The following PTPRD variants were observed in gnomAD, a reference collection of about 807,000 sequenced individuals.
The protein encoded by PTPRD is receptor-type tyrosine-protein phosphatase delta.
A neutral mutation model predicts 214.5 loss-of-function variants in PTPRD; 34 were observed. The ratio of observed to expected loss-of-function variants is 0.16; its 90% CI spans 0.12 to 0.21. The LOEUF (loss-of-function observed/expected upper bound fraction) is 0.21, where lower values mean the gene tolerates loss of function less well. PTPRD is among the 10% of genes least tolerant of loss of function. PTPRD has a pLI of 1.00. For missense variants in PTPRD, 2,545 were observed against 2,398.7 expected, an observed-to-expected ratio of 1.06 and a Z score of -1.27; for synonymous variants, 1,128 against 845.7, an observed-to-expected ratio of 1.33 and a Z score of -5.79.
At chr9:10,138,778 T>A (rs913834546) in intron 3 of PTPRD, among the ~76,000 whole-genome samples, 12 of 152,124 alleles carry the variant, frequency 7.9e-5, no homozygotes, top group African/African-American at 2.9e-4. Flanking sequence ...ATTTACCACA[T>A]AAGCCAAATT....
chr9:9,342,037 G>A (rs965155584), intron 9 of PTPRD, among the ~76,000 whole-genome samples: 1 of 152,078 alleles, frequency 6.6e-6, no homozygotes, highest in Non-Finnish European at 1.5e-5. Context: ...TCAAACTCCT[G>A]ACCTCAAGTG....
At position 8,616,512 on chromosome 9, in the gene PTPRD, G is replaced by C. The variant is rs143685732; in HGVS notation, c.352+16805C>G. Among the ~76,000 whole-genome samples, 1,396 of 152,174 alleles carry C rather than the reference G, an allele frequency of 9.2e-3. 15 individuals are homozygous for C. The highest frequency in any genetic ancestry group is 0.042 in the East Asian group (217 of 5,172). ...CAGGGATCCCTTACTTCAGACTCTA[G>C]GCAGACTGAATAAAGAATGATAACC... On this transcript the variant is annotated intron_variant, in intron 14 of 45. Transcript: ENST00000381196.
chr9:9,340,378 A>G (rs1280697404), intron 9 of PTPRD, among the ~76,000 whole-genome samples: 1 of 152,196 alleles, frequency 6.6e-6, no homozygotes, highest in African/African-American at 2.4e-5. Flanking sequence ...GGGTTATGTT[A>G]TTTTGTGACT....
At chr9:8,376,480 T>G (rs1394764397) in intron 38 of PTPRD, 127 bp downstream of exon 38, 2 of 1,362,286 alleles carry the variant, frequency 1.5e-6, no homozygotes, top group Non-Finnish European at 2.0e-6. Flanking sequence ...GGAAGATCTA[T>G]TTCATTCTTC....
intron 11 of PTPRD, among the ~76,000 whole-genome samples, chr9:8,803,717 G>A (rs1344226784): frequency 6.6e-6 from 1 of 150,768 alleles, no homozygotes; most frequent in Non-Finnish European, 1.5e-5. Context: ...CTGGGTGACA[G>A]AGTGATACCC....
chr9:8,909,086 A>T (rs1311467001), intron 11 of PTPRD, among the ~76,000 whole-genome samples: 2 of 151,980 alleles, frequency 1.3e-5, no homozygotes, highest in Non-Finnish European at 2.9e-5. Context: ...TGACTCAAAA[A>T]GAAAAACTTG....
intron 8 of PTPRD, among the ~76,000 whole-genome samples, chr9:9,507,684 G>A (rs139543102): frequency 9.2e-5 from 14 of 151,444 alleles, no homozygotes; most frequent in Non-Finnish European, 1.8e-4. Flanking sequence ...AGACAATTAG[G>A]TCATTTCTGC....
At chr9:9,146,298 A>G (rs939130110) in intron 10 of PTPRD, among the ~76,000 whole-genome samples, 2 of 151,946 alleles carry the variant, frequency 1.3e-5, no homozygotes, top group Non-Finnish European at 2.9e-5. Flanking sequence ...TCAATTACAT[A>G]TTTGGTTGTA....
chr9:8,394,388 G>A (rs1019611968), intron 36 of PTPRD, among the ~76,000 whole-genome samples: 2 of 152,082 alleles, frequency 1.3e-5, no homozygotes, highest in Non-Finnish European at 2.9e-5. Context: ...ATCCTAAGGG[G>A]AAGGATCATA....
At chr9:9,166,142 T>TC (rs1482324671) in intron 10 of PTPRD, among the ~76,000 whole-genome samples, 15 of 102,768 alleles carry the variant, frequency 1.5e-4, no homozygotes, top group African/African-American at 4.2e-4. Flanking sequence ...GGGTTTGATT[T>TC]TTTTTTTTTT....
At chr9:10,204,474 G>A (rs1343769913) in intron 3 of PTPRD, among the ~76,000 whole-genome samples, 5 of 152,068 alleles carry the variant, frequency 3.3e-5, no homozygotes, top group Non-Finnish European at 1.5e-5. Flanking sequence ...TCCAGTGAAT[G>A]GAATTTCCGT....
rs143778998 is a variant in PTPRD, at chr9:9,958,115, A to T, written c.-471-19505T>A. Among the ~76,000 whole-genome samples the T allele has an allele frequency of 4.6e-5, 7 of 152,336 alleles. No individual in the cohort carries two copies. The East Asian group carries it at 1.3e-3, about 29-fold the overall frequency. ...AAACACCTAAATATTAAATCAACTC[A>T]AAAAATTCTAGAAGATACACAGGAG... On this transcript the variant is annotated intron_variant, in intron 4 of 45. Coordinates refer to ENST00000381196, the MANE Select transcript of PTPRD (RefSeq NM_002839.4).
intron 14 of PTPRD, among the ~76,000 whole-genome samples, chr9:8,561,205 G>C (rs1031564969): frequency 6.6e-6 from 1 of 152,014 alleles, no homozygotes; most frequent in Non-Finnish European, 1.5e-5. Context: ...CCACCTTTGA[G>C]TGGTGTCTTC....
chr9:9,453,889 C>G (rs2092616365), intron 8 of PTPRD, among the ~76,000 whole-genome samples: 1 of 151,596 alleles, frequency 6.6e-6, no homozygotes, highest in South Asian at 2.1e-4. Flanking sequence ...CTCTTCAATC[C>G]ATCACTGCTA....
At position 10,075,472 on chromosome 9, in the gene PTPRD, A is replaced by G. The variant is rs186786985; in HGVS notation, c.-544-41682T>C. Among the ~76,000 whole-genome samples the G allele has an allele frequency of 6.3e-3, 953 of 151,916 alleles. 7 individuals carry two copies. The highest frequency in any genetic ancestry group is 0.017 in the Middle Eastern group (5 of 292). ...GATATAACTTTTTATAACTTATTTG[A>G]TTTATATACTTTATTATTTTATGAA... On this transcript the variant is annotated intron_variant, in intron 3 of 45. Transcript: ENST00000381196.
At chr9:8,465,367 T>A in intron 32 of PTPRD, 99 bp downstream of exon 32, 1 of 1,080,668 alleles carries the variant, frequency 9.3e-7, no homozygotes. Context: ...TCATGAGAAA[T>A]AATGAGGATG....
intron 11 of PTPRD, among the ~76,000 whole-genome samples, chr9:8,866,980 G>T (rs999259654): frequency 2.6e-5 from 4 of 152,128 alleles, no homozygotes; most frequent in African/African-American, 9.7e-5. Context: ...GGAGTAGATG[G>T]AGTTAGTGGG....
chr9:9,506,701 A>T (rs1252128924), intron 8 of PTPRD, among the ~76,000 whole-genome samples: 1 of 151,414 alleles, frequency 6.6e-6, no homozygotes, highest in Non-Finnish European at 1.5e-5. Flanking sequence ...GAGGAAATCC[A>T]TATATTTTAG....
intron 2 of PTPRD, among the ~76,000 whole-genome samples, chr9:10,602,897 T>A (rs2133425212): frequency 6.6e-6 from 1 of 151,922 alleles, no homozygotes; most frequent in Admixed American, 6.6e-5. Flanking sequence ...ACCCTGTTGA[T>A]CCTAAATGTC....
Sources: allele counts gnomAD v4.1 joint callset (sites outside exome capture counted in the v4.1 genomes callset), GRCh38; gene constraint gnomAD v4.1.1; transcripts MANE v1.5; gene names NCBI Gene and HGNC (gene_info 2026-07-23, HGNC 2026-07-21).